The following SH3BP4 variants were observed in gnomAD, a reference collection of about 807,000 sequenced individuals.
SH3BP4 encodes the protein SH3 domain-binding protein 4.
A neutral mutation model predicts 65.5 loss-of-function variants in SH3BP4; 33 were observed. The ratio of observed to expected loss-of-function variants is 0.50; its 90% confidence interval spans 0.38 to 0.67. The LOEUF (loss-of-function observed/expected upper bound fraction) is 0.67. Ranked by LOEUF, SH3BP4 falls within the 30% of genes least tolerant of loss-of-function variation. The pLI, the probability that SH3BP4 is intolerant of heterozygous loss-of-function variation, is 0.00. For synonymous variants in SH3BP4, 552 were observed against 545.5 expected (o/e 1.01, Z -0.17); for missense variants, 1,134 against 1,261.4 (o/e 0.90, Z 1.53).
intron 1 of SH3BP4, among the ~76,000 whole-genome samples, chr2:234,984,904 A>G (rs972813694): frequency 1.3e-5 from 2 of 152,164 alleles, no homozygotes; most frequent in Non-Finnish European, 1.5e-5. Context: ...GGGGTCAGCT[A>G]CTGAGCTAGT....
chr2:234,998,923 C>T (rs1336563729), intron 2 of SH3BP4, among the ~76,000 whole-genome samples: 1 of 152,188 alleles, frequency 6.6e-6, no homozygotes, highest in Non-Finnish European at 1.5e-5. Flanking sequence ...TGATTCTGCA[C>T]CTGCCAAGGC....
At chr2:234,958,427 G>C (rs1437036742) in intron 1 of SH3BP4, among the ~76,000 whole-genome samples, 2 of 152,052 alleles carry the variant, frequency 1.3e-5, no homozygotes, top group Admixed American at 1.3e-4. Flanking sequence ...CTCGCCCTGG[G>C]GGGGTGTCTG....
chr2:235,005,948 G>A (rs974654958), intron 2 of SH3BP4, among the ~76,000 whole-genome samples: 5 of 152,232 alleles, frequency 3.3e-5, no homozygotes, highest in Admixed American at 6.5e-5. Context: ...TTGCGTGCCC[G>A]CCTGTGTTCC....
intron 4 of SH3BP4, among the ~76,000 whole-genome samples, chr2:235,048,774 C>G (rs1662131765): frequency 6.6e-6 from 1 of 152,242 alleles, no homozygotes; most frequent in Non-Finnish European, 1.5e-5. Context: ...GTGTGTCCCA[C>G]AAAGGCAAAA....
intron 2 of SH3BP4, among the ~76,000 whole-genome samples, chr2:235,029,010 A>G (rs1269486534): frequency 3.9e-5 from 6 of 152,288 alleles, no homozygotes; most frequent in South Asian, 2.1e-4. Flanking sequence ...GAGGGTTTCA[A>G]ACAGAGTCTG....
At chr2:234,957,105 C>T (rs1196117319) in intron 1 of SH3BP4, among the ~76,000 whole-genome samples, 2 of 152,046 alleles carry the variant, frequency 1.3e-5, no homozygotes, top group African/African-American at 4.8e-5. Flanking sequence ...ACTGCAACCT[C>T]CACCTCCCAG....
chr2:235,040,736 C>G (rs560264754), intron 3 of SH3BP4, 152 bp from the exon 4 acceptor site: 1 of 658,578 alleles, frequency 1.5e-6, no homozygotes, highest in Non-Finnish European at 2.6e-6. Flanking sequence ...GGTAAATTAC[C>G]TACTGAATTT....
At chr2:235,027,698 G>A (rs183033757) in intron 2 of SH3BP4, among the ~76,000 whole-genome samples, 42 of 152,310 alleles carry the variant, frequency 2.8e-4, no homozygotes, top group Middle Eastern at 3.4e-3. Context: ...GGAGGAGCAA[G>A]GGCAGCATTT....
intron 4 of SH3BP4, 39 bp downstream of exon 4, chr2:235,043,286 G>A (rs754557387): frequency 6.7e-7 from 1 of 1,490,786 alleles, no homozygotes; most frequent in Non-Finnish European, 9.0e-7. Context: ...CAGGGGTGCT[G>A]CTCAGCAAAG....
intron 1 of SH3BP4, among the ~76,000 whole-genome samples, chr2:234,961,788 C>T (rs1306077877): frequency 7.1e-6 from 1 of 140,482 alleles, no homozygotes; most frequent in Non-Finnish European, 1.5e-5. Context: ...ACCAGGGGCT[C>T]GATGCAGTCC....
Position 234,974,901 on chromosome 2 carries a change from G to A in SH3BP4, c.-206-20402G>A, listed in dbSNP as rs529602085. The stretch of plus-strand genomic sequence containing the variant: ...TGGCACGCCCTGCCTGCCCCGTTAC[G>A]TGGCGATTTGTGATGGGGATCATAA... On this transcript the variant is annotated intron_variant, in intron 1 of 5. Transcript: ENST00000392011. The surrounding 1 kb of genome is among the most constrained non-coding windows in gnomAD (Gnocchi z 4.6). Among the ~76,000 whole-genome samples the A allele has an allele frequency of 3.9e-5, 6 of 152,276 alleles. No individual in the cohort carries two copies. The highest frequency in any genetic ancestry group is 2.0e-4 in the Admixed American group (3 of 15,302).
At position 235,035,133 on chromosome 2, in the gene SH3BP4, G is replaced by T. The variant is rs75754240; in HGVS notation, c.118+13G>T. 8,652 of 1,583,694 alleles carry T rather than the reference G, an allele frequency of 5.5e-3. 409 individuals carry two copies. The African/African-American group carries it at 0.1, about 19-fold the overall frequency. On this transcript the variant is annotated intron_variant, in intron 3 of 5. Transcript: ENST00000392011. The surrounding 1 kb of genome is among the most constrained non-coding windows in gnomAD (Gnocchi z 5.0). The stretch of plus-strand genomic sequence containing the variant: ...AATGACATCAAAGGTGAGCTTCTGG[G>T]GAACAGGACTGTGGCTAAGGGAGAA...
intron 3 of SH3BP4, among the ~76,000 whole-genome samples, chr2:235,040,110 C>G (rs930267704): frequency 6.6e-6 from 1 of 152,150 alleles, no homozygotes; most frequent in Non-Finnish European, 1.5e-5. Flanking sequence ...TGGCACACAC[C>G]TGTAATCTCA....
intron 1 of SH3BP4, among the ~76,000 whole-genome samples, chr2:234,975,023 G>A (rs538376841): frequency 9.8e-5 from 15 of 152,332 alleles, no homozygotes; most frequent in South Asian, 6.2e-4. Context: ...GCAGGCAGCT[G>A]CCTTGCAATT....
intron 2 of SH3BP4, among the ~76,000 whole-genome samples, chr2:235,005,658 G>C (rs1164195764): frequency 6.6e-6 from 1 of 152,178 alleles, no homozygotes; most frequent in African/African-American, 2.4e-5. Flanking sequence ...CTCGTGTCCA[G>C]GCTACAGGCT....
rs974406086 is a variant in SH3BP4, at chr2:235,052,466, C to T, written c.2479-96C>T. 89 of 926,016 alleles carry T rather than the reference C, an allele frequency of 9.6e-5. No individual in the cohort carries two copies. The highest frequency in any genetic ancestry group is 1.3e-4 in the Non-Finnish European group (85 of 634,388). 57.4% of individuals were successfully genotyped at this position (926,016 alleles called of 1,614,324 possible). A position where few individuals can be genotyped will look rare whatever the true frequency, so the allele number is the denominator to read the frequency against. The stretch of plus-strand genomic sequence containing the variant: ...CAGGGAACATGGAGAATAGAGAGCC[C>T]ATGGCCATTCCTGCGCCGTCTGCTG... On this transcript the variant is annotated intron_variant, in intron 4 of 5. Transcript: ENST00000392011. The surrounding 1 kb of genome is among the most constrained non-coding windows in gnomAD (Gnocchi z 5.0).
chr2:235,038,742 C>G (rs922129419), intron 3 of SH3BP4, among the ~76,000 whole-genome samples: 3 of 151,878 alleles, frequency 2.0e-5, no homozygotes, highest in African/African-American at 7.3e-5. Flanking sequence ...AGGGAGGGCC[C>G]CTCCCACTTG....
intron 1 of SH3BP4, among the ~76,000 whole-genome samples, chr2:234,987,316 A>G (rs908769568): frequency 9.4e-5 from 14 of 149,154 alleles, no homozygotes; most frequent in Non-Finnish European, 2.1e-4. Context: ...AGTGTCTGGT[A>G]TATTTCAAAG....
intron 1 of SH3BP4, among the ~76,000 whole-genome samples, chr2:234,980,133 T>C (rs1488694243): frequency 6.6e-6 from 1 of 152,220 alleles, no homozygotes. Context: ...TCATCTGTTT[T>C]CATTACTATG....
Sources: gnomAD v4.1 joint callset for allele counts (sites outside exome capture counted in the v4.1 genomes callset) on GRCh38, gnomAD v4.1.1 for gene constraint, Gnocchi (gnomAD v3.1) non-coding constraint, MANE v1.5 for transcripts, NCBI Gene and HGNC (gene_info 2026-07-23, HGNC 2026-07-21) for gene names.